Variants in STK32C observed in about 807,000 individuals in gnomAD.
The protein encoded by STK32C is serine/threonine kinase 32C, also known as serine/threonine-protein kinase 32C.
In STK32C, 31 loss-of-function variants were observed where a neutral mutation model predicts 56.5. That is an observed-to-expected ratio of 0.55 (90% confidence interval 0.41 to 0.74). The LOEUF (loss-of-function observed/expected upper bound fraction) is 0.74, where lower values mean the gene tolerates loss of function less well. Ranked by LOEUF, STK32C falls within the 30% of genes least tolerant of loss-of-function variation. The pLI is 0.00. For missense variants in STK32C, 544 were observed against 676.9 expected (o/e 0.80, Z 2.18); for synonymous variants, 309 against 289.4 (o/e 1.07, Z -0.69).
rs577971131 is a variant in STK32C, at chr10:132,207,788, C to T, written c.*222G>A. 2.2e-5 allele frequency: 11 copies of T among 503,946 alleles called. No individual in the cohort carries two copies. Among genetic ancestry groups the T allele is most frequent in the East Asian group, 1.8e-4 (5 of 27,920 alleles). 31.2% of individuals were successfully genotyped at this position (503,946 alleles called of 1,614,324 possible). On this transcript the variant is annotated 3_prime_UTR_variant, in exon 12 of 12. Coordinates refer to ENST00000298630, the MANE Select transcript of STK32C (RefSeq NM_173575.4). Reference sequence around the variant, plus strand: ...GCGCTTCCTCCATCTAGGCGGGTCTCGGGGGCCCACGGGAAATGCCCTCCA... The same window carrying T: ...GCGCTTCCTCCATCTAGGCGGGTCTTGGGGGCCCACGGGAAATGCCCTCCA...
chr10:132,324,163 A>T (rs2066455788), exon 2 of STK32C: 6 of 744,298 alleles, frequency 8.1e-6, no homozygotes, highest in Non-Finnish European at 1.0e-5. Context: ...GCTGGGGATG[A>T]GTCTGAGTCT....
At chr10:132,232,453 G>C (rs542487506) in intron 2 of STK32C, among the ~76,000 whole-genome samples, 3 of 152,132 alleles carry the variant, frequency 2.0e-5, no homozygotes, top group Non-Finnish European at 4.4e-5. Flanking sequence ...TGTCTGGAGG[G>C]ACCTCAGCAC....
At chr10:132,239,906 G>A (rs2063441504) in intron 2 of STK32C, among the ~76,000 whole-genome samples, 1 of 152,224 alleles carries the variant, frequency 6.6e-6, no homozygotes, top group Non-Finnish European at 1.5e-5. Flanking sequence ...ACTCGCCATG[G>A]GAACACACGT....
chr10:132,308,370 T>C (rs1396959246), upstream of STK32C, among the ~76,000 whole-genome samples: 1 of 152,068 alleles, frequency 6.6e-6, no homozygotes, highest in Non-Finnish European at 1.5e-5. Flanking sequence ...TCCGGGGGCC[T>C]CCCTCCCCTG....
rs181855663 is a variant in STK32C, at chr10:132,266,153, T to C, written c.263-20198A>G. ...TGGAATACCACTAGGGGACTTCTTTTAAAGGAACAAACTCCCGATCCATAG... is the reference window on the plus strand; with the variant it reads ...TGGAATACCACTAGGGGACTTCTTTCAAAGGAACAAACTCCCGATCCATAG... On this transcript the variant is annotated intron_variant, in intron 1 of 11. Coordinates refer to ENST00000298630, the MANE Select transcript of STK32C (RefSeq NM_173575.4). Among the ~76,000 whole-genome samples the C allele has an allele frequency of 6.0e-4, 92 of 152,348 alleles. 1 individual carries two copies. The highest frequency in any genetic ancestry group is 5.9e-3 in the Admixed American group (91 of 15,306).
intron 2 of STK32C, among the ~76,000 whole-genome samples, chr10:132,233,210 G>A (rs1259831624): frequency 2.0e-5 from 3 of 152,184 alleles, no homozygotes; most frequent in Non-Finnish European, 4.4e-5. Flanking sequence ...AGCGGCTGAA[G>A]AAGGTGCAGC....
chr10:132,219,283 G>A (rs1176482857), intron 10 of STK32C, among the ~76,000 whole-genome samples: 1 of 151,140 alleles, frequency 6.6e-6, no homozygotes, highest in Non-Finnish European at 1.5e-5. Flanking sequence ...CTTTTTTTTT[G>A]GAGTGATGCT....
At chr10:132,266,912 T>G (rs773400894) in intron 1 of STK32C, among the ~76,000 whole-genome samples, 30 of 151,566 alleles carry the variant, frequency 2.0e-4, no homozygotes, top group Non-Finnish European at 4.0e-4. Context: ...GGAGTGACAA[T>G]GGACACTGGG....
chr10:132,290,620 C>T (rs1347083550), intron 1 of STK32C, among the ~76,000 whole-genome samples: 1 of 152,224 alleles, frequency 6.6e-6, no homozygotes, highest in African/African-American at 2.4e-5. Context: ...GCTAAGGTCC[C>T]CAGGACTACC....
intron 5 of STK32C, 22 bp from the exon 6 acceptor site, chr10:132,225,638 G>A (rs529188501): frequency 2.1e-5 from 33 of 1,608,550 alleles, no homozygotes; most frequent in Non-Finnish European, 2.5e-5. Context: ...GGGGTCAGGT[G>A]TGGCTGTCCC....
At chr10:132,331,937 C>CT (rs71013522), upstream of STK32C, 73,093 of 590,914 alleles carry the variant, frequency 0.12, 6,064 homozygotes, top group East Asian at 0.38. Flanking sequence ...GCAAGCGCAA[C>CT]CCCCCGCCCC....
At chr10:132,227,905 G>A in intron 3 of STK32C, 72 bp downstream of exon 3, 1 of 1,563,750 alleles carries the variant, frequency 6.4e-7, no homozygotes, top group East Asian at 2.3e-5. Context: ...ACCAAGGGCA[G>A]GAGAGGATAG....
At chr10:132,315,065 C>T (rs1324869333) in intron 1 of STK32C, among the ~76,000 whole-genome samples, 7 of 152,080 alleles carry the variant, frequency 4.6e-5, no homozygotes, top group Non-Finnish European at 7.4e-5. Context: ...ACCTAAGAGG[C>T]GGAAGTTGCG....
At chr10:132,309,389 T>TA (rs539476451), upstream of STK32C, among the ~76,000 whole-genome samples, 206 of 152,174 alleles carry the variant, frequency 1.4e-3, no homozygotes, top group African/African-American at 4.8e-3. Flanking sequence ...TGCACCCACC[T>TA]GGACATGCAC....
At chr10:132,328,922 G>A (rs1024821768) in intron 1 of STK32C, among the ~76,000 whole-genome samples, 3 of 152,208 alleles carry the variant, frequency 2.0e-5, no homozygotes, top group African/African-American at 4.8e-5. Flanking sequence ...AAGGCTGGAC[G>A]GAGGCTCCTG....
chr10:132,271,672 G>A (rs1016066670), intron 1 of STK32C, among the ~76,000 whole-genome samples: 3 of 152,204 alleles, frequency 2.0e-5, no homozygotes, highest in Admixed American at 6.5e-5. Flanking sequence ...GAAAAACCAC[G>A]GTGGTGTTTC....
intron 1 of STK32C, among the ~76,000 whole-genome samples, chr10:132,295,201 G>T (rs895415134): frequency 2.0e-5 from 3 of 151,988 alleles, no homozygotes; most frequent in African/African-American, 7.2e-5. Flanking sequence ...ACTTTAAAAA[G>T]ATCACTGTCC....
chr10:132,330,061 T>C (rs1264398312), intron 1 of STK32C, among the ~76,000 whole-genome samples: 5 of 152,078 alleles, frequency 3.3e-5, no homozygotes, highest in Non-Finnish European at 1.5e-5. Context: ...CACTCAATAA[T>C]CAGATCAACA....
chr10:132,222,290 A>G (rs1364038654), intron 10 of STK32C, among the ~76,000 whole-genome samples: 2 of 145,036 alleles, frequency 1.4e-5, no homozygotes, highest in African/African-American at 5.2e-5. Flanking sequence ...CTGTCCCGGC[A>G]CACATACCTG....
Sources: gnomAD v4.1 joint callset for allele counts (sites outside exome capture counted in the v4.1 genomes callset) on GRCh38, gnomAD v4.1.1 for gene constraint, MANE v1.5 for transcripts, NCBI Gene and HGNC (gene_info 2026-07-23, HGNC 2026-07-21) for gene names.